PPP2R1B: variants seen among roughly 807,000 people sequenced by gnomAD.
PPP2R1B encodes protein phosphatase 2 scaffold subunit Abeta, also known as serine/threonine-protein phosphatase 2A 65 kDa regulatory subunit A beta isoform.
PPP2R1B carries 58 observed loss-of-function variants against 72.7 expected under a neutral mutation model. The observed-to-expected ratio is 0.80, with a 90% CI of 0.65 to 0.99. The LOEUF (loss-of-function observed/expected upper bound fraction) is 0.99. Among genes scored for constraint, PPP2R1B ranks in the 50% least tolerant of loss-of-function variants. The pLI is 0.00. For synonymous variants in PPP2R1B, 256 were observed against 264.6 expected (o/e 0.97, Z 0.32); for missense variants, 695 against 733.6 (o/e 0.95, Z 0.61).
intron 11 of PPP2R1B, among the ~76,000 whole-genome samples, chr11:111,744,637 T>G (rs1326335120): frequency 1.3e-5 from 2 of 152,292 alleles, no homozygotes; most frequent in Middle Eastern, 3.4e-3. Context: ...TACTAATTCC[T>G]TATTCTACTT....
rs773506361 is a variant in PPP2R1B, at chr11:111,738,024, C to T, written c.*3572G>A. ...TGTAATTTCCTGGAAACAGCAGGCT[C>T]GTGGAGGCAAACGGGGGACAGTGAG... On this transcript the variant is annotated 3_prime_UTR_variant, in exon 15 of 15. Transcript: ENST00000527614. 12 of 1,006,992 alleles carry T rather than the reference C, an allele frequency of 1.2e-5. No individual in the cohort carries two copies. Among genetic ancestry groups the T allele is most frequent in the South Asian group, 4.3e-5 (1 of 23,354 alleles). The allele number at this position is 1,006,992 out of a possible 1,614,324, so 62.4% of individuals were successfully genotyped here.
chr11:111,752,566 T>A (rs1478693432), intron 9 of PPP2R1B, among the ~76,000 whole-genome samples: 2 of 152,206 alleles, frequency 1.3e-5, no homozygotes, highest in African/African-American at 4.8e-5. Flanking sequence ...CGTAAGATGG[T>A]AAAGAGCATA....
At chr11:111,749,760 A>G (rs1944834649) in intron 10 of PPP2R1B, among the ~76,000 whole-genome samples, 1 of 152,208 alleles carries the variant, frequency 6.6e-6, no homozygotes, top group African/African-American at 2.4e-5. Flanking sequence ...TTGTAAAGCA[A>G]AATGTTCATG....
chr11:111,754,261 T>TA (rs1300691784), intron 8 of PPP2R1B, among the ~76,000 whole-genome samples: 4 of 152,226 alleles, frequency 2.6e-5, no homozygotes, highest in African/African-American at 4.8e-5. Flanking sequence ...GATTAGTTGA[T>TA]AATGTTTCCT....
At chr11:111,708,239 G>A in the PPP2R1B span, among the ~76,000 whole-genome samples, 2 of 152,014 alleles carry the variant, frequency 1.3e-5, no homozygotes, top group African/African-American at 2.4e-5. Context: ...AAAATTAGCC[G>A]GTTATGGTAG....
the PPP2R1B span, among the ~76,000 whole-genome samples, chr11:111,689,705 G>A: frequency 6.6e-6 from 1 of 152,100 alleles, no homozygotes; most frequent in Non-Finnish European, 1.5e-5. Flanking sequence ...TAGCTTCCTC[G>A]GTTTGCTGTA....
In PPP2R1B at chr11:111,759,701, T is replaced by TA. The variant is rs1238815709; in HGVS notation, c.687+102dup. 4.6e-6 allele frequency: 6 copies of TA among 1,317,246 alleles called. No individual in the cohort carries two copies. In the African/African-American group the frequency reaches 8.9e-5, roughly 20 times the overall value. 81.6% of individuals were successfully genotyped at this position (1,317,246 alleles called of 1,614,324 possible). A position where few individuals can be genotyped will look rare whatever the true frequency, so the allele number is the denominator to read the frequency against. Reference sequence around the variant, plus strand: ...CAGGCCAGAATCAGCACTAATTCTGTAAAAAGAATCCTAACAAGAAAACTA... The same window carrying TA: ...CAGGCCAGAATCAGCACTAATTCTGTAAAAAAGAATCCTAACAAGAAAACTA... On this transcript the variant is annotated intron_variant, in intron 5 of 14. Transcript: ENST00000527614.
rs1009784231 is a variant in PPP2R1B, at chr11:111,766,336, G to A, written c.26C>T (p.Thr9Ile). The change falls in exon 1 of 15, where the codon ACC (threonine) becomes ATC (isoleucine). Residue 9 changes from threonine to isoleucine, a missense_variant. Transcript: ENST00000527614. ...ATCTCCACCCGCTGCTCCTGGGCCG[G>A]TCCCGAGCTCTGATGCGCCCGCCAT... Reference protein sequence around the residue: MAGASELGTGPGAAGGDGD... With the variant: MAGASELGIGPGAAGGDGD... The A allele has an allele frequency of 1.9e-6, 3 of 1,542,776 alleles. No homozygotes were observed. Among genetic ancestry groups the A allele is most frequent in the South Asian group, 1.1e-5 (1 of 89,514 alleles).
chr11:111,705,227 T>A, the PPP2R1B span: 1 of 1,336,718 alleles, frequency 7.5e-7, no homozygotes, highest in African/African-American at 1.5e-5. This position sits in a 1 kb window ranked among gnomAD's most constrained non-coding sequence, Gnocchi z 4.3. Flanking sequence ...AGGGTTAGGA[T>A]TTCATCCTCT....
At chr11:111,709,821 C>T in the PPP2R1B span, among the ~76,000 whole-genome samples, 1 of 152,202 alleles carries the variant, frequency 6.6e-6, no homozygotes, top group African/African-American at 2.4e-5. Context: ...TTCCTCTAAC[C>T]GAGTTCACAG....
chr11:111,705,260 T>C, the PPP2R1B span: 1 of 1,073,324 alleles, frequency 9.3e-7, no homozygotes, highest in Non-Finnish European at 1.2e-6. The surrounding 1 kb of genome is among the most constrained non-coding windows in gnomAD (Gnocchi z 4.3). Flanking sequence ...TCTGTAAAAT[T>C]TCTGCCTGCC....
intron 11 of PPP2R1B, among the ~76,000 whole-genome samples, chr11:111,745,041 CCTCT>C (rs1262211054): frequency 7.1e-6 from 1 of 140,920 alleles, no homozygotes; most frequent in Non-Finnish European, 1.5e-5. Context: ...TGTGTCTTCT[CCTCT>C]AATTTTTTTT....
At chr11:111,755,210 G>T (rs1945058171) in intron 6 of PPP2R1B, 85 bp downstream of exon 6, 2 of 1,538,618 alleles carry the variant, frequency 1.3e-6, no homozygotes, top group Non-Finnish European at 8.8e-7. Context: ...CCATTGAAAA[G>T]AATTAATTCA....
At chr11:111,745,485 G>T (rs981635959) in intron 11 of PPP2R1B, among the ~76,000 whole-genome samples, 1 of 152,146 alleles carries the variant, frequency 6.6e-6, no homozygotes, top group Non-Finnish European at 1.5e-5. Context: ...TAACTGCACT[G>T]AACTCTACTT....
rs1944670599 is a variant in PPP2R1B, at chr11:111,745,331, C to T, written c.1400-1801G>A. ...CCTCCCAAAGTGCTGGGATTACAGGCATGAGCCACCATGCTCAGCAAATTA... is the reference window on the plus strand; with the variant it reads ...CCTCCCAAAGTGCTGGGATTACAGGTATGAGCCACCATGCTCAGCAAATTA... On this transcript the variant is annotated intron_variant, in intron 11 of 14. Transcript: ENST00000527614. Among the ~76,000 whole-genome samples, 6 of 152,200 alleles carry T rather than the reference C, an allele frequency of 3.9e-5. No homozygotes were observed. The South Asian group carries it at 6.2e-4, about 16-fold the overall frequency.
At chr11:111,721,876 G>A in the PPP2R1B span, 1 of 1,613,082 alleles carries the variant, frequency 6.2e-7, no homozygotes, top group Admixed American at 1.7e-5. Context: ...CTCCCTGCCA[G>A]CGTGCATCCC....
intron 15 of PPP2R1B, chr11:111,728,023 C>G (rs1431456273): frequency 1.3e-5 from 2 of 152,194 alleles, no homozygotes; most frequent in African/African-American, 4.8e-5. Context: ...TTTTCCCATT[C>G]GACCTCCTAT....
At chr11:111,700,833 G>A in the PPP2R1B span, 1 of 1,601,838 alleles carries the variant, frequency 6.2e-7, no homozygotes, top group Non-Finnish European at 8.5e-7. Context: ...ACAGAGAAAT[G>A]CAGTATAGTT....
downstream of PPP2R1B, chr11:111,737,820 C>A: frequency 7.7e-7 from 1 of 1,296,362 alleles, no homozygotes; most frequent in Non-Finnish European, 1.0e-6. Context: ...TGGCTGTTCC[C>A]CACATCCTGG....
Sources: allele counts gnomAD v4.1 joint callset (sites outside exome capture counted in the v4.1 genomes callset), GRCh38; gene constraint gnomAD v4.1.1; non-coding constraint Gnocchi (gnomAD v3.1); transcripts MANE v1.5; gene names NCBI Gene and HGNC (gene_info 2026-07-23, HGNC 2026-07-21).